Variants in ZNRF3 observed in about 807,000 individuals in gnomAD.
ZNRF3 encodes the protein E3 ubiquitin-protein ligase ZNRF3.
ZNRF3 carries 23 observed loss-of-function variants against 72.5 expected under a neutral mutation model. The ratio of observed to expected loss-of-function variants is 0.32; its 90% CI spans 0.23 to 0.45. The LOEUF (loss-of-function observed/expected upper bound fraction) is 0.45, where lower values mean the gene tolerates loss of function less well. Ranked by LOEUF, ZNRF3 falls within the 20% of genes least tolerant of loss-of-function variation. The pLI is 1.00. For synonymous variants in ZNRF3, 610 were observed against 545.3 expected, an observed-to-expected ratio of 1.12 and a Z score of -1.65; for missense variants, 1,169 against 1,272.1, an observed-to-expected ratio of 0.92 and a Z score of 1.23.
chr22:28,956,399 G>A (rs1451428960), intron 1 of ZNRF3, among the ~76,000 whole-genome samples: 2 of 126,820 alleles, frequency 1.6e-5, no homozygotes, highest in South Asian at 2.5e-4. Context: ...CTTTTGCATC[G>A]AATGAAACCC....
At chr22:28,938,355 G>T (rs771252712) in intron 1 of ZNRF3, among the ~76,000 whole-genome samples, 57 of 151,662 alleles carry the variant, frequency 3.8e-4, no homozygotes, top group Non-Finnish European at 6.5e-4. Context: ...TAATCTAGCA[G>T]ATTAAAGGTG....
intron 2 of ZNRF3, among the ~76,000 whole-genome samples, chr22:28,991,279 CAAAAAAAAAAAAAAAAA>C (rs59317059): frequency 3.9e-5 from 2 of 51,658 alleles, no homozygotes; most frequent in African/African-American, 9.0e-5. Flanking sequence ...GACCCTCTCT[CAAAAAAAAAAAAAAAAA>C]AAAAAAAAAA....
chr22:28,886,141 C>G (rs1260534180), intron 1 of ZNRF3, among the ~76,000 whole-genome samples: 1 of 152,196 alleles, frequency 6.6e-6, no homozygotes, highest in Non-Finnish European at 1.5e-5. Context: ...TTGAACCTCC[C>G]TGTTTCTGCG....
intron 1 of ZNRF3, among the ~76,000 whole-genome samples, chr22:28,956,435 T>G (rs565628597): frequency 2.0e-5 from 3 of 151,288 alleles, no homozygotes; most frequent in Non-Finnish European, 4.4e-5. Flanking sequence ...CTAACTCTTC[T>G]TCCATTCTCT....
At chr22:29,006,253 G>A (rs1304478892) in intron 2 of ZNRF3, among the ~76,000 whole-genome samples, 1 of 62,346 alleles carries the variant, frequency 1.6e-5, no homozygotes, top group Non-Finnish European at 3.0e-5. Context: ...TGTTCTTCTT[G>A]TCCAGGCTAC....
rs1437237764 is a variant in ZNRF3 at position 29,042,798 on chromosome 22, G to T, written c.501+229G>T. ...ATTTTCTCTTTTTTTCCCCCGAGAT[G>T]GAGTCTTGCTCTGTCACCCAGGCTG... On this transcript the variant is annotated intron_variant, in intron 3 of 8. Coordinates refer to ENST00000544604, the MANE Select transcript of ZNRF3 (RefSeq NM_001206998.2). 2.0e-5 allele frequency among the ~76,000 whole-genome samples: 3 copies of T among 151,300 alleles called. No individual in the cohort carries two copies. The East Asian group carries it at 5.9e-4, about 30-fold the overall frequency.
rs540686911 is a variant in ZNRF3 at position 28,898,139 on chromosome 22, G to T, written c.300+14073G>T. Among the ~76,000 whole-genome samples, 8 of 152,192 alleles carry T rather than the reference G, an allele frequency of 5.3e-5. No individual in the cohort carries two copies. In the South Asian group the frequency reaches 1.7e-3, roughly 32 times the overall value. On this transcript the variant is annotated intron_variant, in intron 1 of 8. Transcript: ENST00000544604. ...TTTTTTGTATTTTTCGTAGAGAGGG[G>T]GTTTTGCTGTGTTACCCAGGCTGCT...
chr22:28,950,506 G>A (rs1363786819), intron 1 of ZNRF3, among the ~76,000 whole-genome samples: 1 of 152,120 alleles, frequency 6.6e-6, no homozygotes, highest in Non-Finnish European at 1.5e-5. Flanking sequence ...AGACTCCTTT[G>A]AAAATAAACT....
At position 29,050,641 on chromosome 22, in the gene ZNRF3, C is replaced by T. The variant is rs1569298359; in HGVS notation, c.2460C>T (p.Pro820=). ...LTEEPPPGCY[P]GARDLSQRIP... is the part of the protein sequence containing the mutation. ...AGGAACCACCGCCCGGCTGCTACCC[C>T]GGGGCCCGGGACCTGAGCCAGCGCA... Residue 820 remains proline, a synonymous_variant, in exon 8 of 9, where the codon CCC becomes CCT. Coordinates refer to ENST00000544604, the MANE Select transcript of ZNRF3 (RefSeq NM_001206998.2). 2.5e-6 allele frequency: 4 copies of T among 1,611,656 alleles called. No individual in the cohort carries two copies. Among genetic ancestry groups the T allele is most frequent in the Non-Finnish European group, 2.5e-6 (3 of 1,179,340 alleles).
intron 1 of ZNRF3, among the ~76,000 whole-genome samples, chr22:28,977,105 A>G (rs1228638586): frequency 4.6e-5 from 7 of 152,214 alleles, no homozygotes. Flanking sequence ...AAATAGGTAT[A>G]GAGGCTCTTT....
chr22:28,963,620 T>C (rs986550501), intron 1 of ZNRF3, among the ~76,000 whole-genome samples: 7 of 152,130 alleles, frequency 4.6e-5, no homozygotes, highest in African/African-American at 1.7e-4. Flanking sequence ...GCCTACCTCT[T>C]GGGGGTTTTG....
At chr22:28,960,775 C>G (rs559858762) in intron 1 of ZNRF3, among the ~76,000 whole-genome samples, 2 of 152,096 alleles carry the variant, frequency 1.3e-5, no homozygotes, top group African/African-American at 4.8e-5. Flanking sequence ...CTGCCAGGCT[C>G]CTGCTCATTC....
intron 1 of ZNRF3, among the ~76,000 whole-genome samples, chr22:28,910,707 G>A (rs908565157): frequency 2.6e-5 from 4 of 152,212 alleles, no homozygotes; most frequent in Admixed American, 2.0e-4. Flanking sequence ...CCCTGAGATG[G>A]TGACAGTATA....
At chr22:29,024,325 C>T (rs115184803) in intron 2 of ZNRF3, among the ~76,000 whole-genome samples, 18 of 133,284 alleles carry the variant, frequency 1.4e-4, no homozygotes, top group African/African-American at 4.9e-4. Flanking sequence ...CTGTTAAAGG[C>T]TGTCAAACTA....
chr22:28,948,964 A>C (rs1318202192), intron 1 of ZNRF3, among the ~76,000 whole-genome samples: 3 of 152,172 alleles, frequency 2.0e-5, no homozygotes, highest in African/African-American at 7.2e-5. Flanking sequence ...AGTACTTAAA[A>C]ATTCACATTT....
At chr22:28,954,173 G>A (rs2035215379) in intron 1 of ZNRF3, among the ~76,000 whole-genome samples, 1 of 152,140 alleles carries the variant, frequency 6.6e-6, no homozygotes, top group South Asian at 2.1e-4. Flanking sequence ...ACAGGCTGCT[G>A]TAACAAAATA....
At chr22:28,950,386 G>A (rs1014133313) in intron 1 of ZNRF3, among the ~76,000 whole-genome samples, 2 of 152,180 alleles carry the variant, frequency 1.3e-5, no homozygotes, top group African/African-American at 2.4e-5. Flanking sequence ...GAGACTGGTA[G>A]CATAAACTTG....
chr22:28,962,231 T>C (rs5762916), intron 1 of ZNRF3, among the ~76,000 whole-genome samples: 127,155 of 152,202 alleles, frequency 0.84, 54,253 homozygotes, highest in East Asian at 0.95. Flanking sequence ...AACAGAACAT[T>C]GCCATTATTG....
intron 1 of ZNRF3, among the ~76,000 whole-genome samples, chr22:28,927,870 T>C (rs2034632537): frequency 6.6e-6 from 1 of 152,244 alleles, no homozygotes; most frequent in African/African-American, 2.4e-5. Context: ...ATGATCTGAC[T>C]TTGCATTGGG....
Sources: allele counts gnomAD v4.1 joint callset (sites outside exome capture counted in the v4.1 genomes callset), GRCh38; gene constraint gnomAD v4.1.1; transcripts MANE v1.5; gene names NCBI Gene and HGNC (gene_info 2026-07-23, HGNC 2026-07-21).